Variants in HTR2C observed in about 807,000 individuals in gnomAD.
HTR2C encodes the protein 5-hydroxytryptamine receptor 2C.
Under a neutral mutation model 21.0 loss-of-function variants are expected in HTR2C, and 5 were observed. The ratio of observed to expected loss-of-function variants is 0.24; its 90% CI spans 0.12 to 0.50. The LOEUF is 0.50. Among genes scored for constraint, HTR2C ranks in the 20% least tolerant of loss-of-function variants. HTR2C has a pLI of 0.98. For missense variants in HTR2C, 271 were observed against 371.2 expected (o/e 0.73, Z 2.22); for synonymous variants, 150 against 145.3 (o/e 1.03, Z -0.23).
rs371578225 is a variant in HTR2C at position 114,776,226 on chromosome X, C to T, written c.349+44619C>T. ...TCAGCTCCAACCTTTTTGTCTAAGC[C>T]GTAAGCAATATCAGCAGCACTTGGC... On this transcript the variant is annotated intron_variant, in intron 4 of 5. Coordinates refer to ENST00000276198, the MANE Select transcript of HTR2C (RefSeq NM_000868.4). 1.9e-4 allele frequency: 107 copies of T among 561,876 alleles called. No individual in the cohort carries two copies. The East Asian group carries it at 2.4e-3, about 13-fold the overall frequency. 46.3% of individuals were successfully genotyped at this position (561,876 alleles called of 1,213,427 possible). A position where few individuals can be genotyped will look rare whatever the true frequency, so the allele number is the denominator to read the frequency against.
intron 5 of HTR2C, 38 bp from the exon 6 acceptor site, chrX:114,906,551 A>G (rs199674890): frequency 9.9e-7 from 1 of 1,008,450 alleles, no homozygotes; most frequent in Non-Finnish European, 1.4e-6. Flanking sequence ...CAGTCCTTCA[A>G]GATGCTATAA....
intron 5 of HTR2C, among the ~76,000 whole-genome samples, chrX:114,874,798 C>T (rs947433349): frequency 2.7e-5 from 3 of 111,066 alleles, no homozygotes; most frequent in Admixed American, 9.6e-5. Context: ...TGTGAGCCAC[C>T]GCACCCGGCC....
Position 114,629,345 on chromosome X carries a change from G to A in HTR2C, c.-80+15464G>A, listed in dbSNP as rs782815447. 7.2e-5 allele frequency among the ~76,000 whole-genome samples: 8 copies of A among 111,620 alleles called. No individual in the cohort carries two copies. In the South Asian group the frequency reaches 1.1e-3, roughly 16 times the overall value. ...TCCTCCTCTTCATTTTTTAAAAGCC[G>A]TTAGCCAAGAAGGGACTAGGATATC... On this transcript the variant is annotated intron_variant, in intron 2 of 5. Transcript: ENST00000276198.
chrX:114,607,411 G>A (rs187310595), intron 1 of HTR2C, among the ~76,000 whole-genome samples: 1 of 111,655 alleles, frequency 9.0e-6, no homozygotes, highest in African/African-American at 3.3e-5. Flanking sequence ...ATGGTACAAC[G>A]TTAAGATCAA....
chrX:114,604,997 G>A (rs1556396323), intron 1 of HTR2C, among the ~76,000 whole-genome samples: 1 of 111,406 alleles, frequency 9.0e-6, no homozygotes, highest in Non-Finnish European at 1.9e-5. Context: ...GAGCAGATTG[G>A]GTAATAAAAT....
intron 2 of HTR2C, among the ~76,000 whole-genome samples, chrX:114,661,846 G>A (rs1931000818): frequency 9.0e-6 from 1 of 111,688 alleles, no homozygotes; most frequent in South Asian, 3.7e-4. Flanking sequence ...TAACAAGCAA[G>A]TCTTACGTTT....
intron 4 of HTR2C, among the ~76,000 whole-genome samples, chrX:114,807,507 C>CATCATATATAT (rs2070487957): frequency 1.9e-5 from 1 of 52,512 alleles, no homozygotes; most frequent in African/African-American, 5.9e-5. Context: ...CATATATATA[C>CATCATATATAT]ACCATATATA....
At chrX:114,705,045 A>G (rs1356349152) in intron 2 of HTR2C, among the ~76,000 whole-genome samples, 3 of 105,974 alleles carry the variant, frequency 2.8e-5, no homozygotes, top group African/African-American at 1.0e-4. Context: ...CCACTGCTCA[A>G]GGAAATAAAA....
chrX:114,715,144 C>T (rs1556419604), intron 2 of HTR2C: 6 of 248,149 alleles, frequency 2.4e-5, no homozygotes, highest in Non-Finnish European at 5.0e-5. Flanking sequence ...AAACCAGAAA[C>T]TGACCCTTCA....
intron 4 of HTR2C, among the ~76,000 whole-genome samples, chrX:114,830,746 G>T (rs1461376759): frequency 9.7e-6 from 1 of 103,021 alleles, no homozygotes; most frequent in Non-Finnish European, 2.0e-5. Flanking sequence ...TGCACATTGT[G>T]CAGGTTAGTT....
intron 2 of HTR2C, among the ~76,000 whole-genome samples, chrX:114,710,617 TAATA>T (rs1288733931): frequency 1.8e-5 from 2 of 112,007 alleles, no homozygotes; most frequent in African/African-American, 6.5e-5. Context: ...TGGTGTATAA[TAATA>T]AATCAGCAAA....
At chrX:114,629,938 A>C (rs1929538953) in intron 2 of HTR2C, among the ~76,000 whole-genome samples, 1 of 111,348 alleles carries the variant, frequency 9.0e-6, no homozygotes, top group Admixed American at 9.6e-5. Flanking sequence ...AATTTTATCT[A>C]TGAATATTTG....
At chrX:114,604,406 G>A (rs1365175707) in intron 1 of HTR2C, among the ~76,000 whole-genome samples, 28 of 109,774 alleles carry the variant, frequency 2.6e-4, no homozygotes, top group African/African-American at 7.5e-4. Context: ...AGTTATGGAG[G>A]CAAGGGAAAC....
At chrX:114,796,809 G>A (rs781874507) in intron 4 of HTR2C, among the ~76,000 whole-genome samples, 24 of 111,269 alleles carry the variant, frequency 2.2e-4, no homozygotes, top group Middle Eastern at 4.6e-3. Context: ...CAGTGATCAC[G>A]TACAAGGGCA....
intron 5 of HTR2C, among the ~76,000 whole-genome samples, chrX:114,888,842 C>CT (rs1160367748): frequency 1.8e-5 from 2 of 111,944 alleles, no homozygotes; most frequent in East Asian, 5.6e-4. Context: ...CTCACTTCAT[C>CT]TTTTTTTATG....
intron 4 of HTR2C, among the ~76,000 whole-genome samples, chrX:114,790,579 GATAA>G (rs2070221243): frequency 9.0e-6 from 1 of 111,651 alleles, no homozygotes; most frequent in African/African-American, 3.3e-5. Context: ...ATGTTTGATA[GATAA>G]ATAGACTTTC....
chrX:114,902,257 A>G (rs984898286), intron 5 of HTR2C, among the ~76,000 whole-genome samples: 1 of 111,763 alleles, frequency 8.9e-6, no homozygotes, highest in Admixed American at 9.6e-5. Flanking sequence ...AAATGCTAAG[A>G]CAAACTTAAC....
chrX:114,686,635 G>A (rs1470072452), intron 2 of HTR2C, among the ~76,000 whole-genome samples: 1 of 110,215 alleles, frequency 9.1e-6, no homozygotes, highest in East Asian at 2.8e-4. Flanking sequence ...AGGCTAGAAA[G>A]GAAAGGAAAT....
intron 4 of HTR2C, among the ~76,000 whole-genome samples, chrX:114,743,598 C>G (rs1362708670): frequency 1.8e-5 from 2 of 111,345 alleles, no homozygotes; most frequent in African/African-American, 6.5e-5. Context: ...GAAAAATGAA[C>G]AATGCCTCAA....
Sources: allele counts gnomAD v4.1 joint callset (sites outside exome capture counted in the v4.1 genomes callset), GRCh38; gene constraint gnomAD v4.1.1; transcripts MANE v1.5; gene names NCBI Gene and HGNC (gene_info 2026-07-23, HGNC 2026-07-21).